Variants in NT5DC1 observed in about 807,000 individuals in gnomAD.
NT5DC1 encodes the protein 5'-nucleotidase domain containing 1, also known as 5'-nucleotidase domain-containing protein 1.
A neutral mutation model predicts 59.4 loss-of-function variants in NT5DC1; 42 were observed. That is an observed-to-expected ratio of 0.71 (90% CI 0.55 to 0.92). The LOEUF (loss-of-function observed/expected upper bound fraction) is 0.92, where lower values mean the gene tolerates loss of function less well. NT5DC1 is among the 40% of genes least tolerant of loss of function. The probability of loss-of-function intolerance (pLI) is 0.00; values close to 1 mark genes in which losing one functional copy is unlikely to be tolerated. For synonymous variants in NT5DC1, 172 were observed against 188.1 expected (o/e 0.91, Z 0.70); for missense variants, 501 against 537.1 (o/e 0.93, Z 0.66).
At chr6:116,155,062 C>T (rs1199419401) in intron 6 of NT5DC1, among the ~76,000 whole-genome samples, 2 of 152,160 alleles carry the variant, frequency 1.3e-5, no homozygotes, top group Admixed American at 1.3e-4. Context: ...AGTATACAGA[C>T]TTTAATATTA....
chr6:116,193,900 C>A (rs1452683436), intron 6 of NT5DC1, among the ~76,000 whole-genome samples: 2 of 151,786 alleles, frequency 1.3e-5, no homozygotes, highest in African/African-American at 4.8e-5. Context: ...GCAAAAAATA[C>A]AAAAAATACA....
At chr6:116,172,552 C>T (rs1780634476) in intron 6 of NT5DC1, among the ~76,000 whole-genome samples, 1 of 151,992 alleles carries the variant, frequency 6.6e-6, no homozygotes, top group Non-Finnish European at 1.5e-5. Flanking sequence ...GATCTCCTGA[C>T]CCCCTGATCC....
At chr6:116,239,158 T>TC in intron 11 of NT5DC1, 35 bp downstream of exon 11, 1 of 1,443,978 alleles carries the variant, frequency 6.9e-7, no homozygotes, top group African/African-American at 1.4e-5. Context: ...CTTCACCTGT[T>TC]ACTAGACAAT....
At chr6:116,164,610 C>G (rs1011609698) in intron 6 of NT5DC1, among the ~76,000 whole-genome samples, 1 of 152,048 alleles carries the variant, frequency 6.6e-6, no homozygotes, top group Non-Finnish European at 1.5e-5. Flanking sequence ...TGTTCCTTGC[C>G]TAATATTGTT....
chr6:116,219,293 A>C (rs1185500576), intron 6 of NT5DC1, among the ~76,000 whole-genome samples: 2 of 152,194 alleles, frequency 1.3e-5, no homozygotes, highest in Admixed American at 6.5e-5. Flanking sequence ...AGTTCTACAT[A>C]GAATTTATAA....
chr6:116,191,752 G>T (rs1002792983), intron 6 of NT5DC1, among the ~76,000 whole-genome samples: 2 of 151,938 alleles, frequency 1.3e-5, no homozygotes, highest in Admixed American at 6.6e-5. Flanking sequence ...ATCTAATGAG[G>T]TGTTTCTCCT....
chr6:116,177,663 T>C (rs1169453244), intron 6 of NT5DC1, among the ~76,000 whole-genome samples: 1 of 152,164 alleles, frequency 6.6e-6, no homozygotes, highest in Non-Finnish European at 1.5e-5. Context: ...TAAAAATTCG[T>C]GGATATAAGA....
intron 11 of NT5DC1, among the ~76,000 whole-genome samples, chr6:116,243,290 G>T (rs1771772421): frequency 6.6e-6 from 1 of 152,076 alleles, no homozygotes; most frequent in East Asian, 1.9e-4. Flanking sequence ...TCTGAGGAGG[G>T]CCTGGGAGTT....
intron 11 of NT5DC1, among the ~76,000 whole-genome samples, chr6:116,239,482 G>A (rs1293777414): frequency 1.3e-5 from 2 of 152,168 alleles, no homozygotes; most frequent in Non-Finnish European, 2.9e-5. Flanking sequence ...GGGCCTTTCA[G>A]TAACTTCATG....
chr6:116,198,577 T>A (rs1311756228), intron 6 of NT5DC1, among the ~76,000 whole-genome samples: 1 of 151,684 alleles, frequency 6.6e-6, no homozygotes. Context: ...AAAAAAAATT[T>A]AAAAATAGCC....
At chr6:116,196,104 A>G (rs1175561617) in intron 6 of NT5DC1, among the ~76,000 whole-genome samples, 1 of 152,028 alleles carries the variant, frequency 6.6e-6, no homozygotes, top group Non-Finnish European at 1.5e-5. Flanking sequence ...ATTTCCTGAC[A>G]TCATGCTATC....
chr6:116,109,074 C>G (rs922157103), intron 3 of NT5DC1, among the ~76,000 whole-genome samples: 2 of 152,206 alleles, frequency 1.3e-5, no homozygotes, highest in Non-Finnish European at 2.9e-5. Context: ...TGTCACTGCT[C>G]TGTCTCTCAC....
intron 1 of NT5DC1, among the ~76,000 whole-genome samples, chr6:116,103,980 CAT>C (rs1433975033): frequency 4.6e-5 from 7 of 152,134 alleles, no homozygotes; most frequent in African/African-American, 1.4e-4. Flanking sequence ...GGGAACCAAA[CAT>C]AATTTGTAGG....
intron 6 of NT5DC1, among the ~76,000 whole-genome samples, chr6:116,146,110 A>G (rs1779893012): frequency 6.6e-6 from 1 of 152,246 alleles, no homozygotes; most frequent in Non-Finnish European, 1.5e-5. Flanking sequence ...GATTATGGTT[A>G]CAGTTAATAC....
chr6:116,222,892 T>C lies in NT5DC1; in HGVS notation c.705-142T>C, dbSNP rs371933954. 1.7e-3 allele frequency: 947 copies of C among 568,110 alleles called. 11 individuals are homozygous for C. The South Asian group carries it at 0.018, about 11-fold the overall frequency. The allele number at this position is 568,110 out of a possible 1,614,324, so 35.2% of individuals were successfully genotyped here. On this transcript the variant is annotated intron_variant, in intron 7 of 11. Transcript: ENST00000319550. ...AGTGGAATGTTCACCTTAAAGTGTG[T>C]GAGAAAAATATAAAGCATGTAAAAG...
chr6:116,239,161 T>G (rs763687344), intron 11 of NT5DC1, 38 bp downstream of exon 11: 1 of 1,396,546 alleles, frequency 7.2e-7, no homozygotes, highest in South Asian at 1.2e-5. Context: ...CACCTGTTAC[T>G]AGACAATAAT....
chr6:116,238,226 C>G lies in NT5DC1; in HGVS notation c.961C>G (p.Pro321Ala), dbSNP rs1376511557. The change falls in exon 10 of 12, where the codon CCA (proline) becomes GCA (alanine). Residue 321 changes from proline to alanine, a missense_variant. Pro to Ala is a conservative substitution (Grantham distance 27, BLOSUM62 -1). Coordinates refer to ENST00000319550, the MANE Select transcript of NT5DC1 (RefSeq NM_152729.3). Reference sequence around the variant, plus strand: ...TGACAGCATGCATTCAGATATTTTCCCAGCTCGTCACTATAGTAATTGGGA... The same window carrying G: ...TGACAGCATGCATTCAGATATTTTCGCAGCTCGTCACTATAGTAATTGGGA... ...FGDSMHSDIF[P>A]ARHYSNWETV... 1.2e-6 allele frequency: 2 copies of G among 1,611,746 alleles called. No individual in the cohort carries two copies. Among genetic ancestry groups the G allele is most frequent in the Non-Finnish European group, 1.7e-6 (2 of 1,178,760 alleles).
intron 8 of NT5DC1, among the ~76,000 whole-genome samples, chr6:116,227,814 G>T (rs556922755): frequency 6.6e-6 from 1 of 152,032 alleles, no homozygotes; most frequent in South Asian, 2.1e-4. Context: ...TGGGTTATTT[G>T]TTTCCTTACT....
intron 6 of NT5DC1, among the ~76,000 whole-genome samples, chr6:116,152,594 C>T (rs1780073117): frequency 6.6e-6 from 1 of 152,086 alleles, no homozygotes. Flanking sequence ...TCTGTGCTTT[C>T]TTTACCAGGT....
Sources: allele counts gnomAD v4.1 joint callset (sites outside exome capture counted in the v4.1 genomes callset), GRCh38; gene constraint gnomAD v4.1.1; transcripts MANE v1.5; gene names NCBI Gene and HGNC (gene_info 2026-07-23, HGNC 2026-07-21).